TTBK2: variants seen among roughly 807,000 people sequenced by gnomAD.
TTBK2 encodes tau tubulin kinase 2.
Under a neutral mutation model 110.8 loss-of-function variants are expected in TTBK2, and 28 were observed. The ratio of observed to expected loss-of-function variants is 0.25; its 90% confidence interval spans 0.19 to 0.35. The LOEUF (loss-of-function observed/expected upper bound fraction) is 0.35, where lower values mean the gene tolerates loss of function less well. TTBK2 is among the 10% of genes least tolerant of loss of function. The pLI is 1.00. For missense variants in TTBK2, 1,369 were observed against 1,500.3 expected, an observed-to-expected ratio of 0.91 and a Z score of 1.45; for synonymous variants, 532 against 527.3, an observed-to-expected ratio of 1.01 and a Z score of -0.12.
intron 7 of TTBK2, among the ~76,000 whole-genome samples, chr15:42,815,978 T>TATATATATATATATA (rs1567040652): frequency 9.1e-6 from 1 of 110,486 alleles, no homozygotes; most frequent in African/African-American, 4.3e-5. Context: ...TATATATATA[T>TATATATATATATATA]TTGAGACGGA....
intron 13 of TTBK2, among the ~76,000 whole-genome samples, chr15:42,771,510 A>G (rs1316268627): frequency 6.6e-6 from 1 of 152,198 alleles, no homozygotes; most frequent in African/African-American, 2.4e-5. Flanking sequence ...CCTGAAGTAT[A>G]GCGTAAAGCC....
chr15:42,814,167 G>A lies in TTBK2; in HGVS notation c.604-2387C>T, dbSNP rs1016500814. On this transcript the variant is annotated intron_variant, in intron 7 of 14. Coordinates refer to ENST00000267890, the MANE Select transcript of TTBK2 (RefSeq NM_173500.4). ...CTCCCGAGTAGCTGAGATTACAGGC[G>A]CCCGCCACCACACCCAGCTAATTTT... Among the ~76,000 whole-genome samples, 19 of 152,030 alleles carry A rather than the reference G, an allele frequency of 1.2e-4. No individual in the cohort carries two copies. The South Asian group carries it at 1.5e-3, about 12-fold the overall frequency.
chr15:42,754,676 T>C (rs1250683287), intron 13 of TTBK2, among the ~76,000 whole-genome samples: 9 of 139,708 alleles, frequency 6.4e-5, no homozygotes, highest in South Asian at 2.6e-4. Context: ...GGATTACAGG[T>C]GTGAGCCACC....
intron 13 of TTBK2, among the ~76,000 whole-genome samples, chr15:42,760,886 GAAAAC>G (rs1392536230): frequency 1.3e-5 from 2 of 152,052 alleles, no homozygotes; most frequent in East Asian, 1.9e-4. Context: ...AAATACAAAA[GAAAAC>G]AAAACAAAAG....
In TTBK2 at chr15:42,741,474, G is replaced by A. The variant is rs2061750965; in HGVS notation, c.*4321C>T. 6.6e-6 allele frequency: 1 copy of A among 152,192 alleles called. No homozygotes were observed. The highest frequency in any genetic ancestry group is 2.1e-4 in the South Asian group (1 of 4,828). The allele number at this position is 152,192 out of a possible 1,614,324, so 9.4% of individuals were successfully genotyped here. A position where few individuals can be genotyped will look rare whatever the true frequency, so the allele number is the denominator to read the frequency against. ...ACAGGGCCAAACCCCAAGTTACACAGCGCAACAGTACTTGTCAACCACTCC... is the reference window on the plus strand; with the variant it reads ...ACAGGGCCAAACCCCAAGTTACACAACGCAACAGTACTTGTCAACCACTCC... On this transcript the variant is annotated 3_prime_UTR_variant, in exon 15 of 15. Transcript: ENST00000267890.
Position 42,794,526 on chromosome 15 carries a change from C to T in TTBK2, c.980+118G>A. ...AGAGCAATGTTAATTCGAGGAGATC[C>T]ACAGGCTTTCCCGGATGTCTTAGCA... On this transcript the variant is annotated intron_variant, in intron 10 of 14. Transcript: ENST00000267890. 2.8e-6 allele frequency: 4 copies of T among 1,412,398 alleles called. No homozygotes were observed. The South Asian group carries it at 4.7e-5, about 16-fold the overall frequency. 87.5% of individuals were successfully genotyped at this position (1,412,398 alleles called of 1,614,324 possible).
chr15:42,813,733 C>T (rs1891822746), intron 7 of TTBK2, among the ~76,000 whole-genome samples: 1 of 150,506 alleles, frequency 6.6e-6, no homozygotes, highest in Non-Finnish European at 1.5e-5. Context: ...GTAATCCCAG[C>T]TACTCGGGAG....
chr15:42,784,045 G>A (rs1374548205), intron 10 of TTBK2, among the ~76,000 whole-genome samples: 4 of 151,422 alleles, frequency 2.6e-5, no homozygotes, highest in African/African-American at 7.3e-5. Flanking sequence ...CTGGGTGACA[G>A]AGCGAGACTC....
intron 9 of TTBK2, chr15:42,800,978 G>A (rs778411470): frequency 2.0e-5 from 15 of 757,606 alleles, no homozygotes; most frequent in Non-Finnish European, 2.7e-5. Flanking sequence ...TGGGCAGGAC[G>A]TTGGAGGACT....
chr15:42,798,837 T>A (rs1041961747), intron 9 of TTBK2, among the ~76,000 whole-genome samples: 1 of 151,810 alleles, frequency 6.6e-6, no homozygotes, highest in Admixed American at 6.6e-5. Context: ...AGCAGTTAAG[T>A]GAAGGGGAAG....
At chr15:42,890,172 C>G (rs1204703594) in intron 1 of TTBK2, among the ~76,000 whole-genome samples, 3 of 152,314 alleles carry the variant, frequency 2.0e-5, no homozygotes, top group East Asian at 1.9e-4. Context: ...AGATCCACCC[C>G]CTGCCTGCAA....
intron 3 of TTBK2, among the ~76,000 whole-genome samples, chr15:42,842,248 T>C (rs779551276): frequency 2.4e-4 from 36 of 151,490 alleles, no homozygotes; most frequent in Admixed American, 1.2e-3. Flanking sequence ...CTCAAGGAAA[T>C]AGAGGAATAG....
At chr15:42,795,801 T>C (rs1394084811) in intron 9 of TTBK2, among the ~76,000 whole-genome samples, 5 of 143,024 alleles carry the variant, frequency 3.5e-5, no homozygotes, top group Non-Finnish European at 7.5e-5. Flanking sequence ...CAAGATCGTG[T>C]CACTGTACTC....
intron 3 of TTBK2, among the ~76,000 whole-genome samples, chr15:42,850,636 T>C (rs1893658845): frequency 6.6e-6 from 1 of 152,200 alleles, no homozygotes; most frequent in Non-Finnish European, 1.5e-5. Flanking sequence ...ACCTGGATCT[T>C]AATTAAAAAT....
At chr15:42,824,877 AAAT>A (rs1343185838) in intron 6 of TTBK2, among the ~76,000 whole-genome samples, 3 of 152,048 alleles carry the variant, frequency 2.0e-5, no homozygotes, top group East Asian at 3.8e-4. Context: ...TAGAAATGAA[AAAT>A]AATAATAAAA....
rs543946928 is a variant in TTBK2, at chr15:42,742,491, A to G, written c.*3304T>C. On this transcript the variant is annotated 3_prime_UTR_variant, in exon 15 of 15. Coordinates refer to ENST00000267890, the MANE Select transcript of TTBK2 (RefSeq NM_173500.4). ...CCTCTACGCTGTGCAAGAAATCACT[A>G]TGTGTGATTTTACTATTTCAACCAA... 1 of 152,294 alleles carries G rather than the reference A, an allele frequency of 6.6e-6. No individual in the cohort carries two copies. Among genetic ancestry groups the G allele is most frequent in the African/African-American group, 2.4e-5 (1 of 41,558 alleles). The allele number at this position is 152,294 out of a possible 1,614,324, so 9.4% of individuals were successfully genotyped here. A position where few individuals can be genotyped will look rare whatever the true frequency, so the allele number is the denominator to read the frequency against.
intron 13 of TTBK2, among the ~76,000 whole-genome samples, chr15:42,763,182 ATATATATATATTTTTTTTTTTTT>A (rs1567009056): frequency 2.4e-4 from 5 of 20,998 alleles, no homozygotes; most frequent in African/African-American, 1.2e-3. Context: ...ATATATATAT[ATATATATATATTTTTTTTTTTTT>A]TTTTTTTTTT....
At chr15:42,834,720 T>A (rs1892919525) in intron 4 of TTBK2, among the ~76,000 whole-genome samples, 1 of 151,876 alleles carries the variant, frequency 6.6e-6, no homozygotes, top group Non-Finnish European at 1.5e-5. Flanking sequence ...CTACTAAAAA[T>A]AAAAAAATTC....
chr15:42,868,695 C>CAA lies in TTBK2; in HGVS notation c.217+3914_217+3915dup, dbSNP rs777884907. On this transcript the variant is annotated intron_variant, in intron 3 of 14. Transcript: ENST00000267890. Reference sequence around the variant, plus strand: ...AACAAAGCCAGACTCTACATCTCTACAAAAAAAAAAAAAAAAATTAGCTGA... The same window carrying CAA: ...AACAAAGCCAGACTCTACATCTCTACAAAAAAAAAAAAAAAAAAATTAGCTGA... 3.1e-3 allele frequency among the ~76,000 whole-genome samples: 267 copies of CAA among 86,076 alleles called. 3 individuals are homozygous for CAA. Among genetic ancestry groups the CAA allele is most frequent in the Non-Finnish European group, 4.7e-3 (196 of 41,276 alleles). The allele number at this position is 86,076 out of a possible 152,430, so 56.5% of individuals were successfully genotyped here. A position where few individuals can be genotyped will look rare whatever the true frequency, so the allele number is the denominator to read the frequency against.
Sources: allele counts gnomAD v4.1 joint callset (sites outside exome capture counted in the v4.1 genomes callset), GRCh38; gene constraint gnomAD v4.1.1; transcripts MANE v1.5; gene names NCBI Gene and HGNC (gene_info 2026-07-23, HGNC 2026-07-21).